Variants in AK5 observed in about 807,000 individuals in gnomAD.
AK5 encodes adenylate kinase isoenzyme 5.
AK5 carries 27 observed loss-of-function variants against 69.5 expected under a neutral mutation model. That is an observed-to-expected ratio of 0.39 (90% CI 0.29 to 0.54). AK5 has a LOEUF of 0.54. Among genes scored for constraint, AK5 ranks in the 20% least tolerant of loss-of-function variants. AK5 has a pLI of 0.71. For missense variants in AK5, 531 were observed against 700.4 expected, an observed-to-expected ratio of 0.76 and a Z score of 2.73; for synonymous variants, 260 against 244.4, an observed-to-expected ratio of 1.06 and a Z score of -0.60.
intron 2 of AK5, among the ~76,000 whole-genome samples, chr1:77,288,766 A>C (rs1557464755): frequency 6.6e-6 from 1 of 152,208 alleles, no homozygotes; most frequent in Non-Finnish European, 1.5e-5. Flanking sequence ...GGACCAAAAA[A>C]CAGAGAAATA....
At chr1:77,555,631 T>C (rs779941350) in intron 13 of AK5, among the ~76,000 whole-genome samples, 6 of 152,244 alleles carry the variant, frequency 3.9e-5, no homozygotes, top group Admixed American at 3.3e-4. Context: ...ACTTTGGTTA[T>C]TTAAAAAGCA....
At chr1:77,368,734 T>C (rs1488063878) in intron 6 of AK5, among the ~76,000 whole-genome samples, 1 of 152,140 alleles carries the variant, frequency 6.6e-6, no homozygotes, top group Non-Finnish European at 1.5e-5. Flanking sequence ...AAATCTGAAA[T>C]GTCAAGTGTG....
intron 5 of AK5, among the ~76,000 whole-genome samples, chr1:77,317,620 C>A (rs2100312762): frequency 6.6e-6 from 1 of 152,266 alleles, no homozygotes. Context: ...TTAGAGTCTT[C>A]TCTTAACTAC....
chr1:77,418,892 T>A (rs1650610426), intron 8 of AK5, among the ~76,000 whole-genome samples: 1 of 152,204 alleles, frequency 6.6e-6, no homozygotes, highest in African/African-American at 2.4e-5. Flanking sequence ...AAGGAGATGA[T>A]GTTGGCAAGT....
intron 8 of AK5, among the ~76,000 whole-genome samples, chr1:77,434,080 A>T (rs910089829): frequency 4.6e-5 from 7 of 150,600 alleles, no homozygotes; most frequent in Non-Finnish European, 8.9e-5. Context: ...TTAAAATCTG[A>T]TGAAATCAGA....
chr1:77,369,912 T>C (rs1647088467), intron 6 of AK5, among the ~76,000 whole-genome samples: 1 of 152,220 alleles, frequency 6.6e-6, no homozygotes, highest in African/African-American at 2.4e-5. Flanking sequence ...CAAAACGCAC[T>C]TTAATGCCGC....
chr1:77,501,126 G>C (rs1344304145), intron 10 of AK5, among the ~76,000 whole-genome samples: 1 of 152,220 alleles, frequency 6.6e-6, no homozygotes, highest in Non-Finnish European at 1.5e-5. Context: ...GAGGGCTGAG[G>C]AGAGAGGGAT....
At chr1:77,402,120 G>A (rs1486735130) in intron 6 of AK5, among the ~76,000 whole-genome samples, 1 of 152,040 alleles carries the variant, frequency 6.6e-6, no homozygotes, top group Non-Finnish European at 1.5e-5. Context: ...CTGGTCTATT[G>A]TCCTGCAATT....
rs558884182 is a variant in AK5, at chr1:77,362,054, G to A, written c.891+21486G>A. 4.6e-5 allele frequency among the ~76,000 whole-genome samples: 7 copies of A among 152,256 alleles called. No individual in the cohort carries two copies. In the South Asian group the frequency reaches 6.2e-4, roughly 14 times the overall value. On this transcript the variant is annotated intron_variant, in intron 6 of 13. Transcript: ENST00000354567. Reference sequence around the variant, plus strand: ...GGTATCCATCTCATAGAGTTGTTGAGAAGAATGGGGCAATAAGAAGAATGA... The same window carrying A: ...GGTATCCATCTCATAGAGTTGTTGAAAAGAATGGGGCAATAAGAAGAATGA...
At chr1:77,444,086 G>T (rs373417800) in intron 8 of AK5, among the ~76,000 whole-genome samples, 44 of 148,884 alleles carry the variant, frequency 3.0e-4, no homozygotes, top group Non-Finnish European at 8.9e-5. Flanking sequence ...TTGACCTATA[G>T]CTACCCATTT....
intron 6 of AK5, among the ~76,000 whole-genome samples, chr1:77,351,290 G>A (rs1662184619): frequency 6.6e-6 from 1 of 152,120 alleles, no homozygotes; most frequent in Non-Finnish European, 1.5e-5. Flanking sequence ...GGCTACTTGG[G>A]AAGCTGAGGT....
chr1:77,392,318 G>T (rs186131080), intron 6 of AK5, among the ~76,000 whole-genome samples: 4 of 152,254 alleles, frequency 2.6e-5, no homozygotes, highest in Admixed American at 2.6e-4. Flanking sequence ...TACATTTGAG[G>T]CCTTTTTAAT....
In AK5 at chr1:77,286,967, T is replaced by C. The variant is rs1217769571; in HGVS notation, c.87T>C (p.Ser29=). 1.3e-6 allele frequency: 2 copies of C among 1,592,948 alleles called. No homozygotes were observed. The highest frequency in any genetic ancestry group is 3.5e-5 in the Admixed American group (2 of 57,874). The part of the protein sequence containing the change: ...FESLLNGLMC[S]KPEDPVEYLE... Reference sequence around the variant, plus strand: ...GCCTTTTGAATGGACTGATGTGTTCTAAGCCCGAAGATCCAGTAGAATACT... The same window carrying C: ...GCCTTTTGAATGGACTGATGTGTTCCAAGCCCGAAGATCCAGTAGAATACT... The change falls in exon 2 of 14, where the codon TCT becomes TCC. Residue 29 remains serine (S), a synonymous_variant. Coordinates refer to ENST00000354567, the MANE Select transcript of AK5 (RefSeq NM_174858.3).
At chr1:77,351,927 C>CTTTTTTTTTTTTTTTTT in intron 6 of AK5, among the ~76,000 whole-genome samples, 1 of 138,170 alleles carries the variant, frequency 7.2e-6, no homozygotes, top group Non-Finnish European at 1.5e-5. Flanking sequence ...GCAAGTAATT[C>CTTTTTTTTTTTTTTTTT]TTTTTTTTTT....
intron 8 of AK5, among the ~76,000 whole-genome samples, chr1:77,421,403 C>T (rs1015068012): frequency 3.3e-5 from 5 of 152,048 alleles, no homozygotes; most frequent in Admixed American, 1.3e-4. Flanking sequence ...CAGAGCCAGG[C>T]GCAGGAAAGA....
chr1:77,429,359 T>C (rs1264406356), intron 8 of AK5, among the ~76,000 whole-genome samples: 1 of 152,238 alleles, frequency 6.6e-6, no homozygotes, highest in Non-Finnish European at 1.5e-5. Flanking sequence ...CCAGTGATGA[T>C]GAGCACTTTT....
At position 77,464,839 on chromosome 1, in the gene AK5, T is replaced by A. The variant is rs114303992; in HGVS notation, c.1060-18478T>A. On this transcript the variant is annotated intron_variant, in intron 8 of 13. Coordinates refer to ENST00000354567, the MANE Select transcript of AK5 (RefSeq NM_174858.3). The stretch of plus-strand genomic sequence containing the variant: ...ATTTTAATTATTAGGCCAAAAGAGA[T>A]GATGGAGGTGCAGCCAGGGGAGAAG... Among the ~76,000 whole-genome samples, 356 of 152,010 alleles carry A rather than the reference T, an allele frequency of 2.3e-3. 3 individuals carry two copies. The highest frequency in any genetic ancestry group is 8.3e-3 in the African/African-American group (343 of 41,474).
At chr1:77,531,227 A>G (rs1658561172) in intron 12 of AK5, among the ~76,000 whole-genome samples, 1 of 152,162 alleles carries the variant, frequency 6.6e-6, no homozygotes, top group Admixed American at 6.5e-5. Context: ...TACAGCTCAT[A>G]AAGGCAGTGT....
At chr1:77,554,426 T>A (rs969693515) in intron 13 of AK5, among the ~76,000 whole-genome samples, 5 of 152,082 alleles carry the variant, frequency 3.3e-5, no homozygotes, top group African/African-American at 1.2e-4. Context: ...GACCTGGAGG[T>A]TATCTAGTCC....
Sources: allele counts gnomAD v4.1 joint callset (sites outside exome capture counted in the v4.1 genomes callset), GRCh38; gene constraint gnomAD v4.1.1; transcripts MANE v1.5; gene names NCBI Gene and HGNC (gene_info 2026-07-23, HGNC 2026-07-21).